NNT: variants seen among roughly 807,000 people sequenced by gnomAD.
The protein encoded by NNT is nicotinamide nucleotide transhydrogenase.
In NNT, 50 loss-of-function variants were observed where a neutral mutation model predicts 104.8. The observed-to-expected ratio is 0.48, with a 90% CI of 0.38 to 0.60. The LOEUF is 0.60. NNT is among the 20% of genes least tolerant of loss of function. The pLI, the probability that NNT is intolerant of heterozygous loss-of-function variation, is 0.00. For synonymous variants in NNT, 461 were observed against 490.4 expected (o/e 0.94, Z 0.79); for missense variants, 1,131 against 1,330.7 (o/e 0.85, Z 2.33).
chr5:43,670,069 A>G (rs1161114551), intron 17 of NNT, among the ~76,000 whole-genome samples: 1 of 152,170 alleles, frequency 6.6e-6, no homozygotes, highest in Non-Finnish European at 1.5e-5. Flanking sequence ...TTATTTGCAT[A>G]GAGGTGTTTA....
chr5:43,625,400 G>C (rs1319378521), intron 6 of NNT, among the ~76,000 whole-genome samples: 1 of 151,948 alleles, frequency 6.6e-6, no homozygotes, highest in Admixed American at 6.6e-5. Context: ...TTTGTTATAC[G>C]GGTATCTCAA....
At chr5:43,684,078 G>A (rs528788860) in intron 19 of NNT, among the ~76,000 whole-genome samples, 1 of 152,296 alleles carries the variant, frequency 6.6e-6, no homozygotes, top group East Asian at 1.9e-4. Flanking sequence ...TGGCCTCAGT[G>A]TCACAGGCCA....
At chr5:43,669,807 G>A (rs995442652) in intron 17 of NNT, among the ~76,000 whole-genome samples, 7 of 152,192 alleles carry the variant, frequency 4.6e-5, no homozygotes, top group Non-Finnish European at 8.8e-5. Context: ...AAATGAGTTA[G>A]GGAGGATTCC....
intron 19 of NNT, among the ~76,000 whole-genome samples, chr5:43,684,433 G>A (rs1364632481): frequency 1.3e-5 from 2 of 152,112 alleles, no homozygotes; most frequent in Non-Finnish European, 2.9e-5. Context: ...TTCTAAGAAG[G>A]ATTTTGGTGG....
intron 10 of NNT, 145 bp from the exon 11 acceptor site, chr5:43,649,002 T>A (rs922196620): frequency 1.1e-6 from 1 of 931,058 alleles, no homozygotes; most frequent in African/African-American, 1.6e-5. Context: ...TTCTCAACTG[T>A]CAAATGTCTA....
In NNT at chr5:43,675,251, G is replaced by A. The variant is rs183969170; in HGVS notation, c.2635-260G>A. On this transcript the variant is annotated intron_variant, in intron 17 of 21. Transcript: ENST00000344920. The stretch of plus-strand genomic sequence containing the variant: ...TAATTTTATTGATAATTTTTTCTTG[G>A]TTTCTATTTTTTTTACTGAAAATAT... Among the ~76,000 whole-genome samples the A allele has an allele frequency of 1.4e-3, 207 of 151,994 alleles. 2 individuals are homozygous for A. The highest frequency in any genetic ancestry group is 4.9e-3 in the African/African-American group (204 of 41,494).
intron 17 of NNT, among the ~76,000 whole-genome samples, chr5:43,674,983 T>A (rs774499664): frequency 2.7e-4 from 41 of 152,168 alleles, no homozygotes; most frequent in Non-Finnish European, 2.8e-4. Flanking sequence ...TATGGGGCTT[T>A]GTGGAGCTAT....
intron 19 of NNT, among the ~76,000 whole-genome samples, chr5:43,683,937 G>T (rs138108877): frequency 2.0e-5 from 3 of 152,204 alleles, no homozygotes; most frequent in Admixed American, 6.5e-5. Flanking sequence ...CCAGATTTGG[G>T]CACAATCTAT....
chr5:43,616,226 T>C (rs1487333249), intron 4 of NNT, among the ~76,000 whole-genome samples, 161 bp downstream of exon 4: 2 of 152,232 alleles, frequency 1.3e-5, no homozygotes, highest in Non-Finnish European at 2.9e-5. Flanking sequence ...TTTTATTGTT[T>C]TACAGTAATT....
rs768190254 is a variant in NNT at position 43,705,380 on chromosome 5, C to G, written c.*976C>G. 15 of 151,778 alleles carry G rather than the reference C, an allele frequency of 9.9e-5. No homozygotes were observed. The highest frequency in any genetic ancestry group is 1.5e-4 in the Non-Finnish European group (10 of 67,890). 9.4% of individuals were successfully genotyped at this position (151,778 alleles called of 1,614,324 possible). A position where few individuals can be genotyped will look rare whatever the true frequency, so the allele number is the denominator to read the frequency against. On this transcript the variant is annotated 3_prime_UTR_variant, in exon 22 of 22. Coordinates refer to ENST00000344920, the MANE Select transcript of NNT (RefSeq NM_182977.3). ...AATACGGATGGATTTTTTTTCAAAT[C>G]AGTGTGTGTTTTGAGGTCTTATGTA...
intron 16 of NNT, among the ~76,000 whole-genome samples, chr5:43,658,008 G>A (rs568615755): frequency 4.6e-5 from 7 of 151,964 alleles, no homozygotes; most frequent in Non-Finnish European, 7.4e-5. Flanking sequence ...GGTAGTCTGC[G>A]CCTGTATTCC....
intron 10 of NNT, among the ~76,000 whole-genome samples, chr5:43,648,812 A>G (rs16873438): frequency 0.14 from 21,485 of 152,256 alleles, 2,222 homozygotes; most frequent in African/African-American, 0.29. Context: ...AAAAATGCTT[A>G]TATAAACACA....
chr5:43,671,250 G>C (rs998508014), intron 17 of NNT, among the ~76,000 whole-genome samples: 1 of 152,166 alleles, frequency 6.6e-6, no homozygotes, highest in African/African-American at 2.4e-5. Context: ...TTGCCAGTCT[G>C]TGTCTTTTAA....
intron 17 of NNT, among the ~76,000 whole-genome samples, chr5:43,669,761 GT>G: frequency 1.3e-5 from 2 of 152,142 alleles, no homozygotes; most frequent in Non-Finnish European, 2.9e-5. Flanking sequence ...TTGTGTCTCT[GT>G]CAGGCTTTGG....
At chr5:43,612,235 T>C (rs556509081) in intron 2 of NNT, among the ~76,000 whole-genome samples, 25 of 152,324 alleles carry the variant, frequency 1.6e-4, no homozygotes, top group African/African-American at 5.5e-4. Context: ...GAGAACCCAG[T>C]GGGTTGAGTA....
At chr5:43,625,937 C>T (rs1750338434) in intron 6 of NNT, among the ~76,000 whole-genome samples, 1 of 151,920 alleles carries the variant, frequency 6.6e-6, no homozygotes, top group African/African-American at 2.4e-5. Flanking sequence ...TATCTTTTTT[C>T]AATTAACAGT....
chr5:43,701,931 T>A (rs1742871043), intron 20 of NNT, among the ~76,000 whole-genome samples: 2 of 152,018 alleles, frequency 1.3e-5, no homozygotes, highest in South Asian at 2.1e-4. Flanking sequence ...TTTTTTAAAA[T>A]TTTTTTAAAA....
chr5:43,681,275 A>G (rs1741699570), intron 19 of NNT, among the ~76,000 whole-genome samples: 1 of 151,824 alleles, frequency 6.6e-6, no homozygotes, highest in South Asian at 2.1e-4. Flanking sequence ...AAAAAAAAAA[A>G]AAAAAGAAAG....
In NNT at chr5:43,619,029, A is replaced by G; in HGVS notation, c.600-3A>G. 6.8e-7 allele frequency: 1 copy of G among 1,460,564 alleles called. No homozygotes were observed. The highest frequency in any genetic ancestry group is 2.0e-5 in the Admixed American group (1 of 49,094). 90.5% of individuals were successfully genotyped at this position (1,460,564 alleles called of 1,614,324 possible). On this transcript the variant is annotated splice_region_variant and splice_polypyrimidine_tract_variant and intron_variant, in intron 4 of 21. Transcript: ENST00000344920. ...TTATTTATTTATTTATTTATTTTTAAAGTTATAAGGCTGTTGTCCTAGCAG... is the reference window on the plus strand; with the variant it reads ...TTATTTATTTATTTATTTATTTTTAGAGTTATAAGGCTGTTGTCCTAGCAG...
Sources: allele counts gnomAD v4.1 joint callset (sites outside exome capture counted in the v4.1 genomes callset), GRCh38; gene constraint gnomAD v4.1.1; transcripts MANE v1.5; gene names NCBI Gene and HGNC (gene_info 2026-07-23, HGNC 2026-07-21).